ADARB2: variants seen among roughly 807,000 people sequenced by gnomAD.
ADARB2 encodes inactive double-stranded RNA-specific editase B2.
ADARB2 carries 25 observed loss-of-function variants against 62.2 expected under a neutral mutation model. The ratio of observed to expected loss-of-function variants is 0.40; its 90% CI spans 0.29 to 0.56. ADARB2 has a LOEUF of 0.56. Among genes scored for constraint, ADARB2 ranks in the 20% least tolerant of loss-of-function variants. The pLI is 0.43. For missense variants in ADARB2, 1,071 were observed against 1,077.4 expected (o/e 0.99, Z 0.08); for synonymous variants, 572 against 500.8 (o/e 1.14, Z -1.90).
chr10:1,367,754 G>T (rs558369738), intron 2 of ADARB2, among the ~76,000 whole-genome samples: 1 of 152,330 alleles, frequency 6.6e-6, no homozygotes, highest in African/African-American at 2.4e-5. Flanking sequence ...GGACGAGACT[G>T]TCAGTGTGAT....
chr10:1,241,485 G>A (rs1226276434), intron 5 of ADARB2, among the ~76,000 whole-genome samples: 2 of 152,172 alleles, frequency 1.3e-5, no homozygotes, highest in Non-Finnish European at 2.9e-5. Context: ...AGCGTTTCAG[G>A]AGAGGAGCCC....
In ADARB2 at chr10:1,184,229, G is replaced by A. The variant is rs546033886; in HGVS notation, c.2043+632C>T. The stretch of plus-strand genomic sequence containing the variant: ...TATTCCTGCTTGGATTAAAAAGTGT[G>A]GAAAAATGAGAGAGGCATTTTTTAT... On this transcript the variant is annotated intron_variant, in intron 9 of 9. Coordinates refer to ENST00000381312, the MANE Select transcript of ADARB2 (RefSeq NM_018702.4). Among the ~76,000 whole-genome samples, 7 of 152,296 alleles carry A rather than the reference G, an allele frequency of 4.6e-5. No individual in the cohort carries two copies. In the South Asian group the frequency reaches 1.2e-3, roughly 27 times the overall value.
At chr10:1,702,949 A>G (rs1834841879) in intron 1 of ADARB2, among the ~76,000 whole-genome samples, 1 of 152,236 alleles carries the variant, frequency 6.6e-6, no homozygotes, top group African/African-American at 2.4e-5. Flanking sequence ...ACTCATTTTC[A>G]TTGTCTTACT....
At chr10:1,736,977 G>T (rs1291090022) in intron 1 of ADARB2, 74 bp downstream of exon 1, 22 of 1,458,210 alleles carry the variant, frequency 1.5e-5, no homozygotes, top group Non-Finnish European at 2.0e-5. Context: ...CAAGCCCGGA[G>T]ACCCCATGAG....
intron 1 of ADARB2, among the ~76,000 whole-genome samples, chr10:1,589,735 A>T (rs1234584867): frequency 6.6e-6 from 1 of 152,166 alleles, no homozygotes. Flanking sequence ...GTGCAATGGC[A>T]TGATCTCAGC....
chr10:1,336,624 A>G (rs575634489), intron 3 of ADARB2, among the ~76,000 whole-genome samples: 12 of 152,298 alleles, frequency 7.9e-5, no homozygotes, highest in Admixed American at 6.5e-5. Flanking sequence ...TTGCAACTCT[A>G]CTTAGGTTCA....
intron 3 of ADARB2, among the ~76,000 whole-genome samples, chr10:1,356,333 C>T (rs537103191): frequency 2.1e-4 from 32 of 152,316 alleles, no homozygotes; most frequent in African/African-American, 7.2e-4. Flanking sequence ...TGGCCACAGG[C>T]GCATGGGAAG....
chr10:1,195,159 A>G (rs1347141525), intron 8 of ADARB2, among the ~76,000 whole-genome samples: 2 of 151,382 alleles, frequency 1.3e-5, no homozygotes, highest in African/African-American at 2.4e-5. Context: ...TTACAGGAAA[A>G]TCTCCCCTCC....
chr10:1,678,716 C>T (rs2119114902), intron 1 of ADARB2, among the ~76,000 whole-genome samples: 1 of 152,184 alleles, frequency 6.6e-6, no homozygotes, highest in Middle Eastern at 3.4e-3. Context: ...CAGGTAACTC[C>T]ACTGTGGAGT....
At chr10:1,232,795 G>A (rs1031998542) in intron 6 of ADARB2, among the ~76,000 whole-genome samples, 4 of 151,100 alleles carry the variant, frequency 2.6e-5, no homozygotes, top group Non-Finnish European at 5.9e-5. Context: ...TGTGGTGTAT[G>A]TGGTTTGTGT....
At position 1,481,729 on chromosome 10, in the gene ADARB2, T is replaced by C. The variant is rs942383754; in HGVS notation, c.101-102569A>G. On this transcript the variant is annotated intron_variant, in intron 1 of 9. Transcript: ENST00000381312. ...AAAATTAGCTGGGTATGGGGGCGGG[T>C]GCCTGTAATCCCAGCTACTCAGGAG... 8.3e-4 allele frequency among the ~76,000 whole-genome samples: 126 copies of C among 151,732 alleles called. 1 individual carries two copies. Among genetic ancestry groups the C allele is most frequent in the South Asian group, 2.3e-3 (11 of 4,788 alleles).
rs144565549 is a variant in ADARB2, at chr10:1,270,990, C to T, written c.1157G>A (p.Arg386His). ...GACGATTCCTGCCAGCGCTTTATGGCGGGCGTGCATGGGCGTGAGGTCCGT... is the reference window on the plus strand; with the variant it reads ...GACGATTCCTGCCAGCGCTTTATGGTGGGCGTGCATGGGCGTGAGGTCCGT... ...VTTDLTPMHA[R>H]HKALAGIVMT... The change falls in exon 4 of 10, where the codon CGC (arginine) becomes CAC (histidine). Residue 386 changes from arginine to histidine, a missense_variant. Coordinates refer to ENST00000381312, the MANE Select transcript of ADARB2 (RefSeq NM_018702.4). The T allele has an allele frequency of 5.8e-5, 94 of 1,613,490 alleles. No homozygotes were observed. Among genetic ancestry groups the T allele is most frequent in the Middle Eastern group, 5.0e-4 (3 of 6,060 alleles).
chr10:1,262,794 G>T (rs1239919378), intron 4 of ADARB2, among the ~76,000 whole-genome samples: 1 of 152,078 alleles, frequency 6.6e-6, no homozygotes, highest in Non-Finnish European at 1.5e-5. Flanking sequence ...TATACCCAAA[G>T]GATTATAAAT....
intron 6 of ADARB2, among the ~76,000 whole-genome samples, chr10:1,225,517 T>C (rs1431072826): frequency 1.3e-5 from 2 of 152,260 alleles, no homozygotes; most frequent in Non-Finnish European, 2.9e-5. Flanking sequence ...TGATGGTGTT[T>C]ACAATTTGGC....
chr10:1,692,691 TG>T (rs138306591), intron 1 of ADARB2, among the ~76,000 whole-genome samples: 5,922 of 152,144 alleles, frequency 0.039, 296 homozygotes, highest in African/African-American at 0.11. Context: ...CTTCTCTGCT[TG>T]GCTCCTGAAG....
At chr10:1,454,537 GA>G (rs1478018852) in intron 1 of ADARB2, among the ~76,000 whole-genome samples, 1 of 152,172 alleles carries the variant, frequency 6.6e-6, no homozygotes, top group African/African-American at 2.4e-5. Context: ...CAACATGGAT[GA>G]ACCCTAGGGA....
chr10:1,710,925 G>A (rs952178869), intron 1 of ADARB2, among the ~76,000 whole-genome samples: 6 of 151,954 alleles, frequency 3.9e-5, no homozygotes, highest in African/African-American at 1.4e-4. Context: ...GGTCCTGCAG[G>A]GTCAAATGTA....
intron 8 of ADARB2, among the ~76,000 whole-genome samples, chr10:1,187,697 G>A (rs1037353131): frequency 1.3e-5 from 2 of 152,212 alleles, no homozygotes; most frequent in Non-Finnish European, 2.9e-5. Flanking sequence ...AAACACCACC[G>A]GGAAGGCAGC....
intron 1 of ADARB2, among the ~76,000 whole-genome samples, chr10:1,442,839 G>C (rs1166686227): frequency 3.3e-5 from 5 of 152,114 alleles, no homozygotes; most frequent in African/African-American, 1.2e-4. Context: ...ACCAAGAGAT[G>C]CTCGAGGGGT....
Sources: gnomAD v4.1 joint callset for allele counts (sites outside exome capture counted in the v4.1 genomes callset) on GRCh38, gnomAD v4.1.1 for gene constraint, MANE v1.5 for transcripts, NCBI Gene and HGNC (gene_info 2026-07-23, HGNC 2026-07-21) for gene names.